OTOGL: variants seen among roughly 807,000 people sequenced by gnomAD.
The protein encoded by OTOGL is otogelin-like protein.
Under a neutral mutation model 318.5 loss-of-function variants are expected in OTOGL, and 285 were observed. The ratio of observed to expected loss-of-function variants is 0.89; its 90% CI spans 0.81 to 0.99. The LOEUF (loss-of-function observed/expected upper bound fraction) is 0.99, where lower values mean the gene tolerates loss of function less well. Ranked by LOEUF, OTOGL falls within the 50% of genes least tolerant of loss-of-function variation. The pLI, the probability that OTOGL is intolerant of heterozygous loss-of-function variation, is 0.00. For missense variants in OTOGL, 2,899 were observed against 2,845.6 expected (o/e 1.02, Z -0.43); for synonymous variants, 987 against 936.5 (o/e 1.05, Z -0.99).
intron 54 of OTOGL, 52 bp downstream of exon 54, chr12:80,367,791 G>T (rs1890641197): frequency 1.6e-6 from 2 of 1,227,088 alleles, no homozygotes; most frequent in Non-Finnish European, 2.1e-6. Flanking sequence ...TTCAAAAATG[G>T]CAGAGTTATA....
At chr12:80,259,121 T>C (rs1343221181) in intron 18 of OTOGL, among the ~76,000 whole-genome samples, 1 of 151,212 alleles carries the variant, frequency 6.6e-6, no homozygotes, top group Non-Finnish European at 1.5e-5. Flanking sequence ...AAAATGAATA[T>C]TTAGTGTTAG....
chr12:80,288,901 C>G (rs1334028759), intron 26 of OTOGL, among the ~76,000 whole-genome samples: 3 of 152,076 alleles, frequency 2.0e-5, no homozygotes, highest in African/African-American at 7.2e-5. Context: ...CTACTTCTGT[C>G]AATTCATCAA....
Position 80,368,270 on chromosome 12 carries a change from C to A in OTOGL, c.6576C>A (p.Cys2192Ter). 1 of 1,600,684 alleles carries A rather than the reference C, an allele frequency of 6.2e-7. No individual in the cohort carries two copies. Among genetic ancestry groups the A allele is most frequent in the South Asian group, 1.1e-5 (1 of 88,998 alleles). ...GCCGTCKNVS[C>*]KFHMENGTSV... ...GTGGTACCTGCAAAAATGTATCCTGCAAATTTCACATGGAAAATGGAACAT... is the reference window on the plus strand; with the variant it reads ...GTGGTACCTGCAAAAATGTATCCTGAAAATTTCACATGGAAAATGGAACAT... Residue 2192 changes from cysteine (C) to a stop codon, truncating the protein, a stop_gained, in exon 55 of 59, where the codon TGC becomes TGA. Transcript: ENST00000547103. LOFTEE classifies it high-confidence loss of function.
In OTOGL at chr12:80,265,005, G is replaced by A. The variant is rs1258299934; in HGVS notation, c.2019G>A (p.Gly673=). Residue 673 remains glycine (G), a synonymous_variant, in exon 20 of 59, where the codon GGG becomes GGA. Coordinates refer to ENST00000547103, the MANE Select transcript of OTOGL (RefSeq NM_001378609.3). ...DPCNINQQNI[G]YAAHCDVIHQ... ...GCTAATTGGGCTCTTTGTTAGTTGG[G>A]TATGCAGCACACTGTGATGTCATCC... 1 of 1,613,786 alleles carries A rather than the reference G, an allele frequency of 6.2e-7. No homozygotes were observed. Among genetic ancestry groups the A allele is most frequent in the Admixed American group, 1.7e-5 (1 of 59,958 alleles).
At chr12:80,110,868 A>C (rs1321895943) in intron 1 of OTOGL, among the ~76,000 whole-genome samples, 3 of 152,218 alleles carry the variant, frequency 2.0e-5, no homozygotes, top group African/African-American at 7.2e-5. Flanking sequence ...CACTCCCACC[A>C]ACAGTGTAAA....
chr12:80,202,438 T>A (rs1299878780), intron 1 of OTOGL, among the ~76,000 whole-genome samples: 1 of 151,776 alleles, frequency 6.6e-6, no homozygotes, highest in Non-Finnish European at 1.5e-5. Flanking sequence ...GCCTGGCTAA[T>A]TTTTTTGTAT....
chr12:80,356,902 T>C lies in OTOGL; in HGVS notation c.6007T>C (p.Ser2003Pro). The C allele has an allele frequency of 3.1e-6, 5 of 1,587,732 alleles. No homozygotes were observed. Among genetic ancestry groups the C allele is most frequent in the Non-Finnish European group, 4.3e-6 (5 of 1,166,590 alleles). The part of the protein sequence containing the change: ...QVRQEEPCCF[S>P]PFCVCESCTK... ...TCGACAGGAAGAACCTTGTTGTTTT[T>C]CCCCTTTTTGTGGTGAGTATTGTAG... is the stretch of plus-strand genomic sequence containing the variant. The change falls in exon 49 of 59, where the codon TCC (serine) becomes CCC (proline). Residue 2003 changes from serine to proline, a missense_variant. Ser to Pro is a moderately conservative substitution (Grantham distance 74). Around this residue, in one of 3 missense-constraint regions of OTOGL, gnomAD observed 2,607 missense variants for 2,524.9 expected, o/e 1.03. Coordinates refer to ENST00000547103, the MANE Select transcript of OTOGL (RefSeq NM_001378609.3).
Position 80,299,808 on chromosome 12 carries a change from T to G in OTOGL, c.3064-2826T>G, listed in dbSNP as rs527725735. Among the ~76,000 whole-genome samples, 3 of 152,288 alleles carry G rather than the reference T, an allele frequency of 2.0e-5. No homozygotes were observed. In the East Asian group the frequency reaches 5.8e-4, roughly 29 times the overall value. On this transcript the variant is annotated intron_variant, in intron 27 of 58. Coordinates refer to ENST00000547103, the MANE Select transcript of OTOGL (RefSeq NM_001378609.3). ...CTCTAATTCTCATCTGAAGTGGAGA[T>G]CTCTATTTTGGACAATTTGTAATAC...
At position 80,210,828 on chromosome 12, in the gene OTOGL, A is replaced by T. The variant is rs1353297735; in HGVS notation, c.80-19A>T. 2 of 1,425,580 alleles carry T rather than the reference A, an allele frequency of 1.4e-6. No homozygotes were observed. The highest frequency in any genetic ancestry group is 1.9e-6 in the Non-Finnish European group (2 of 1,070,632). The allele number at this position is 1,425,580 out of a possible 1,614,324, so 88.3% of individuals were successfully genotyped here. ...ATTTGGATAATTTTTTTTCATTCTTATATATTTGTCTCTGGCAGAATATAT... is the reference window on the plus strand; with the variant it reads ...ATTTGGATAATTTTTTTTCATTCTTTTATATTTGTCTCTGGCAGAATATAT... On this transcript the variant is annotated intron_variant, in intron 2 of 58. Coordinates refer to ENST00000547103, the MANE Select transcript of OTOGL (RefSeq NM_001378609.3).
intron 26 of OTOGL, among the ~76,000 whole-genome samples, chr12:80,290,731 T>C (rs1259629912): frequency 6.6e-6 from 1 of 152,198 alleles, no homozygotes; most frequent in Non-Finnish European, 1.5e-5. Context: ...TGTTTCAGCA[T>C]CTCTACAAAT....
At chr12:80,226,816 T>G (rs533123363) in intron 7 of OTOGL, among the ~76,000 whole-genome samples, 1 of 152,296 alleles carries the variant, frequency 6.6e-6, no homozygotes, top group East Asian at 1.9e-4. Context: ...TTTAATTGAC[T>G]AAGTTGGTTC....
At chr12:80,149,646 G>T (rs1409455280) in intron 1 of OTOGL, among the ~76,000 whole-genome samples, 2 of 152,160 alleles carry the variant, frequency 1.3e-5, no homozygotes, top group East Asian at 3.9e-4. Context: ...CCTGGGCAAT[G>T]GCGGGCGCCC....
At chr12:80,104,682 G>A (rs1401841280) in intron 1 of OTOGL, among the ~76,000 whole-genome samples, 1 of 152,092 alleles carries the variant, frequency 6.6e-6, no homozygotes, top group East Asian at 1.9e-4. Context: ...TAAGTGCAAG[G>A]CATTATTGTA....
chr12:80,146,667 A>G (rs1261937140), intron 1 of OTOGL, among the ~76,000 whole-genome samples: 2 of 151,974 alleles, frequency 1.3e-5, no homozygotes, highest in Non-Finnish European at 2.9e-5. Flanking sequence ...GCTAGAATTC[A>G]GCTGTGAATC....
rs531921285 is a variant in OTOGL at position 80,255,429 on chromosome 12, A to G, written c.1587+244A>G. On this transcript the variant is annotated intron_variant, in intron 16 of 58. Coordinates refer to ENST00000547103, the MANE Select transcript of OTOGL (RefSeq NM_001378609.3). ...GAGATATTAAGCTGTGAAAACAAGT[A>G]TGTCTTAGATTAAATACTATATATT... 5.9e-5 allele frequency among the ~76,000 whole-genome samples: 9 copies of G among 152,190 alleles called. 1 individual carries two copies. Among genetic ancestry groups the G allele is most frequent in the Admixed American group, 3.9e-4 (6 of 15,274 alleles).
chr12:80,338,922 G>A (rs1207146575), intron 42 of OTOGL, among the ~76,000 whole-genome samples, 153 bp from the exon 43 acceptor site: 1 of 151,876 alleles, frequency 6.6e-6, no homozygotes, highest in East Asian at 1.9e-4. Context: ...ATAGCTTAAA[G>A]GTTCTGAGAA....
chr12:80,351,049 T>A (rs1889512335), intron 44 of OTOGL, among the ~76,000 whole-genome samples: 1 of 152,172 alleles, frequency 6.6e-6, no homozygotes, highest in Admixed American at 6.5e-5. Flanking sequence ...TACAGTTAAG[T>A]CTTATAGTCT....
chr12:80,150,654 A>G (rs1313213068), intron 1 of OTOGL, among the ~76,000 whole-genome samples: 3 of 152,228 alleles, frequency 2.0e-5, no homozygotes, highest in African/African-American at 7.2e-5. Context: ...GATTGTCTCA[A>G]TAAGGGCCTT....
chr12:80,310,707 T>A lies in OTOGL; in HGVS notation c.3430T>A (p.Phe1144Ile), dbSNP rs761344557. 1.3e-6 allele frequency: 2 copies of A among 1,585,352 alleles called. No individual in the cohort carries two copies. Among genetic ancestry groups the A allele is most frequent in the South Asian group, 2.2e-5 (2 of 90,744 alleles). Reference protein sequence around the residue: ...KECSILYSDIFASCRNVIDVT... With the variant: ...KECSILYSDIIASCRNVIDVT... ...ATGCTCCATTTTGTACAGTGATATT[T>A]TTGCTTCTTGTCGCAATGTGGTAAA... is the stretch of plus-strand genomic sequence containing the variant. Residue 1144 changes from phenylalanine (F) to isoleucine (I), a missense_variant, in exon 30 of 59, where the codon TTT becomes ATT. By Grantham distance (21) the Phe-to-Ile change is conservative. Around this residue, in one of 3 missense-constraint regions of OTOGL, gnomAD observed 2,607 missense variants for 2,524.9 expected, o/e 1.03. Transcript: ENST00000547103.
Sources: allele counts gnomAD v4.1 joint callset (sites outside exome capture counted in the v4.1 genomes callset), GRCh38; gene constraint gnomAD v4.1.1; regional missense constraint gnomAD v4.1.1; transcripts MANE v1.5; gene names NCBI Gene and HGNC (gene_info 2026-07-23, HGNC 2026-07-21).